The following ATP8A2 variants were observed in gnomAD, a reference collection of about 807,000 sequenced individuals.
ATP8A2 encodes the protein phospholipid-transporting ATPase IB.
In ATP8A2, 100 loss-of-function variants were observed where a neutral mutation model predicts 165.6. That is an observed-to-expected ratio of 0.60 (90% CI 0.51 to 0.71). The LOEUF (loss-of-function observed/expected upper bound fraction) is 0.71, where lower values mean the gene tolerates loss of function less well. Ranked by LOEUF, ATP8A2 falls within the 30% of genes least tolerant of loss-of-function variation. ATP8A2 has a pLI of 0.00. For synonymous variants in ATP8A2, 543 were observed against 548.8 expected, an observed-to-expected ratio of 0.99 and a Z score of 0.15; for missense variants, 1,227 against 1,479.5, an observed-to-expected ratio of 0.83 and a Z score of 2.80.
chr13:25,584,100 G>A (rs2138258145), intron 23 of ATP8A2, among the ~76,000 whole-genome samples: 1 of 152,284 alleles, frequency 6.6e-6, no homozygotes, highest in Admixed American at 6.5e-5. Context: ...CTTTGAGAGA[G>A]CTATGTCTGA....
At chr13:25,875,431 G>A (rs1456882509) in intron 33 of ATP8A2, among the ~76,000 whole-genome samples, 2 of 151,672 alleles carry the variant, frequency 1.3e-5, no homozygotes, top group Admixed American at 6.6e-5. Context: ...ACAACCTCTC[G>A]TGTACAATTG....
intron 10 of ATP8A2, among the ~76,000 whole-genome samples, chr13:25,544,058 C>G (rs2038566878): frequency 6.6e-6 from 1 of 152,194 alleles, no homozygotes; most frequent in Non-Finnish European, 1.5e-5. Context: ...TTCAGCTTGT[C>G]TGTTCTTTTG....
rs888756688 is a variant in ATP8A2, at chr13:25,372,706, C to T, written c.76+418C>T. ...AGCCTTCCCTGCCGGCGGCCGGCACCGCTGTGCTGCAGAGCTCAAAAGCAG... is the reference window on the plus strand; with the variant it reads ...AGCCTTCCCTGCCGGCGGCCGGCACTGCTGTGCTGCAGAGCTCAAAAGCAG... On this transcript the variant is annotated intron_variant, in intron 1 of 36. Coordinates refer to ENST00000381655, the MANE Select transcript of ATP8A2 (RefSeq NM_016529.6). The surrounding 1 kb of genome is among the most constrained non-coding windows in gnomAD (Gnocchi z 4.8). Among the ~76,000 whole-genome samples the T allele has an allele frequency of 6.6e-6, 1 of 152,192 alleles. No homozygotes were observed. The highest frequency in any genetic ancestry group is 1.5e-5 in the Non-Finnish European group (1 of 68,022).
chr13:25,843,031 G>A (rs1566194345), intron 30 of ATP8A2, among the ~76,000 whole-genome samples: 1 of 141,666 alleles, frequency 7.1e-6, no homozygotes, highest in African/African-American at 2.5e-5. Context: ...TGCTGAGATT[G>A]TGGTGTATCT....
At chr13:25,915,449 T>C in intron 33 of ATP8A2, among the ~76,000 whole-genome samples, 1 of 152,196 alleles carries the variant, frequency 6.6e-6, no homozygotes, top group East Asian at 1.9e-4. Flanking sequence ...GCAATAAATA[T>C]ACCAAAGCTC....
At chr13:25,528,553 A>C (rs1332410717) in intron 2 of ATP8A2, among the ~76,000 whole-genome samples, 1 of 152,180 alleles carries the variant, frequency 6.6e-6, no homozygotes, top group Non-Finnish European at 1.5e-5. Flanking sequence ...GTTGCTGTCC[A>C]GTCTCACAGT....
rs143830593 is a variant in ATP8A2 at position 25,801,843 on chromosome 13, G to C, written c.2680-26275G>C. On this transcript the variant is annotated intron_variant, in intron 27 of 36. Transcript: ENST00000381655. ...AGGCCTCAGGAAACTTACAGTCATG[G>C]TGGAAGGGGAAGCATACATGTCCTT... Among the ~76,000 whole-genome samples the C allele has an allele frequency of 5.8e-4, 88 of 152,228 alleles. 1 individual carries two copies. Among genetic ancestry groups the C allele is most frequent in the South Asian group, 5.0e-3 (24 of 4,820 alleles).
At chr13:25,912,040 A>T (rs1382902765) in intron 33 of ATP8A2, among the ~76,000 whole-genome samples, 1 of 152,178 alleles carries the variant, frequency 6.6e-6, no homozygotes. Flanking sequence ...ATTTCAAATC[A>T]GTATGTCAAA....
At chr13:25,589,292 T>G (rs1211114220) in intron 23 of ATP8A2, among the ~76,000 whole-genome samples, 1 of 152,138 alleles carries the variant, frequency 6.6e-6, no homozygotes, top group Non-Finnish European at 1.5e-5. Context: ...GTGTGCTGAT[T>G]TAGGGGCACC....
intron 33 of ATP8A2, among the ~76,000 whole-genome samples, chr13:25,945,429 T>C (rs1213419468): frequency 6.6e-6 from 1 of 152,172 alleles, no homozygotes; most frequent in African/African-American, 2.4e-5. Flanking sequence ...AAGAAAGAAA[T>C]CAACATTAAA....
intron 25 of ATP8A2, among the ~76,000 whole-genome samples, chr13:25,758,638 A>G (rs1413778815): frequency 6.6e-6 from 1 of 152,120 alleles, no homozygotes; most frequent in Non-Finnish European, 1.5e-5. Flanking sequence ...CCATGTACCT[A>G]TATTCATCCA....
At chr13:25,461,266 G>A (rs1356833532) in intron 1 of ATP8A2, among the ~76,000 whole-genome samples, 4 of 152,178 alleles carry the variant, frequency 2.6e-5, no homozygotes, top group Admixed American at 1.3e-4. Context: ...AAAGGCCTTC[G>A]AAATGTGTCT....
chr13:25,822,160 C>A lies in ATP8A2; in HGVS notation c.2680-5958C>A, dbSNP rs113813345. ...ATATTTAAAATTAAATCTTTTTAAACTTACTTAGAGTTCATTACAGGATGA... is the reference window on the plus strand; with the variant it reads ...ATATTTAAAATTAAATCTTTTTAAAATTACTTAGAGTTCATTACAGGATGA... On this transcript the variant is annotated intron_variant, in intron 27 of 36. Transcript: ENST00000381655. Among the ~76,000 whole-genome samples, 136 of 152,220 alleles carry A rather than the reference C, an allele frequency of 8.9e-4. 1 individual carries two copies. Among genetic ancestry groups the A allele is most frequent in the Middle Eastern group, 3.4e-3 (1 of 294 alleles).
In ATP8A2 at chr13:25,781,179, C is replaced by T. The variant is rs1463336773; in HGVS notation, c.2679+6220C>T. Among the ~76,000 whole-genome samples the T allele has an allele frequency of 3.9e-5, 6 of 152,144 alleles. No individual in the cohort carries two copies. In the East Asian group the frequency reaches 9.7e-4, roughly 25 times the overall value. On this transcript the variant is annotated intron_variant, in intron 27 of 36. Transcript: ENST00000381655. ...TCGGGAGGCTGAGGCAGGAGAATGA[C>T]GTGAACCTGGGAGGCGGAACTTGCA...
intron 2 of ATP8A2, among the ~76,000 whole-genome samples, chr13:25,518,553 G>A (rs1225578163): frequency 1.3e-5 from 2 of 151,334 alleles, no homozygotes; most frequent in East Asian, 3.8e-4. Context: ...TTCTGTTTCT[G>A]GAGGCTTGCT....
intron 33 of ATP8A2, among the ~76,000 whole-genome samples, chr13:25,909,141 A>G (rs1021629029): frequency 6.6e-6 from 1 of 152,184 alleles, no homozygotes; most frequent in African/African-American, 2.4e-5. Context: ...CAGAATTCCA[A>G]TTAGAAAGGA....
At chr13:25,913,871 G>A (rs1954192392) in intron 33 of ATP8A2, among the ~76,000 whole-genome samples, 1 of 152,160 alleles carries the variant, frequency 6.6e-6, no homozygotes, top group Non-Finnish European at 1.5e-5. Context: ...GCTGACCATG[G>A]AAGTCAAAGT....
chr13:25,790,028 G>A (rs1201788965), intron 27 of ATP8A2, among the ~76,000 whole-genome samples: 2 of 152,190 alleles, frequency 1.3e-5, no homozygotes, highest in Non-Finnish European at 2.9e-5. Context: ...GTCATATGCA[G>A]AAGATTGAAA....
rs147433792 is a variant in ATP8A2 at position 25,879,410 on chromosome 13, C to T, written c.3183+17002C>T. Among the ~76,000 whole-genome samples the T allele has an allele frequency of 5.3e-3, 810 of 152,242 alleles. 10 individuals carry two copies. The highest frequency in any genetic ancestry group is 0.019 in the African/African-American group (774 of 41,538). Reference sequence around the variant, plus strand: ...GGTTACAATGAAGGAAAAAAATGGACGTTACTTAATAAACAGAAAAAGAAT... The same window carrying T: ...GGTTACAATGAAGGAAAAAAATGGATGTTACTTAATAAACAGAAAAAGAAT... On this transcript the variant is annotated intron_variant, in intron 33 of 36. Coordinates refer to ENST00000381655, the MANE Select transcript of ATP8A2 (RefSeq NM_016529.6).
Sources: gnomAD v4.1 joint callset for allele counts (sites outside exome capture counted in the v4.1 genomes callset) on GRCh38, gnomAD v4.1.1 for gene constraint, Gnocchi (gnomAD v3.1) non-coding constraint, MANE v1.5 for transcripts, NCBI Gene and HGNC (gene_info 2026-07-23, HGNC 2026-07-21) for gene names.